PLSCR2: variants seen among roughly 807,000 people sequenced by gnomAD.
PLSCR2 encodes PL scramblase 2.
In PLSCR2, 18 loss-of-function variants were observed where a neutral mutation model predicts 25.3. That is an observed-to-expected ratio of 0.71 (90% CI 0.49 to 1.06). PLSCR2 has a LOEUF of 1.06. Among genes scored for constraint, PLSCR2 ranks in the 50% least tolerant of loss-of-function variants. The pLI, the probability that PLSCR2 is intolerant of heterozygous loss-of-function variation, is 0.00. For missense variants in PLSCR2, 243 were observed against 269.5 expected, an observed-to-expected ratio of 0.90 and a Z score of 0.69; for synonymous variants, 88 against 87.3, an observed-to-expected ratio of 1.01 and a Z score of -0.04.
intron 5 of PLSCR2, among the ~76,000 whole-genome samples, chr3:146,451,418 A>G (rs544756781): frequency 1.3e-5 from 2 of 152,188 alleles, no homozygotes; most frequent in South Asian, 2.1e-4. Flanking sequence ...GCCTACATTA[A>G]GTTTTTATCC....
chr3:146,419,238 C>T (rs1265086713), intron 2 of PLSCR2, among the ~76,000 whole-genome samples: 1 of 152,066 alleles, frequency 6.6e-6, no homozygotes, highest in Non-Finnish European at 1.5e-5. Flanking sequence ...AACATTATGA[C>T]ACAGTTCAGC....
chr3:146,493,493 A>C (rs1281930310), intron 1 of PLSCR2, among the ~76,000 whole-genome samples: 1 of 152,152 alleles, frequency 6.6e-6, no homozygotes, highest in Non-Finnish European at 1.5e-5. Context: ...AATTCACGAA[A>C]TGTGATTCAT....
chr3:146,436,986 C>G (rs958176504), downstream of PLSCR2, among the ~76,000 whole-genome samples: 5 of 151,844 alleles, frequency 3.3e-5, no homozygotes, highest in Admixed American at 3.3e-4. Flanking sequence ...TAGCATGAAG[C>G]ACTGTTGAAT....
At chr3:146,419,297 T>C (rs1384291501) in intron 2 of PLSCR2, among the ~76,000 whole-genome samples, 1 of 152,150 alleles carries the variant, frequency 6.6e-6, no homozygotes, top group African/African-American at 2.4e-5. Flanking sequence ...TCATGTTTCC[T>C]ATAACTTCCT....
intron 2 of PLSCR2, among the ~76,000 whole-genome samples, chr3:146,404,846 C>T (rs1208349233): frequency 1.4e-5 from 2 of 146,128 alleles, no homozygotes; most frequent in Non-Finnish European, 3.0e-5. Context: ...GTTAACTGGT[C>T]CCAGGTAAGT....
chr3:146,494,127 G>A (rs1452653973), intron 1 of PLSCR2, among the ~76,000 whole-genome samples: 2 of 152,036 alleles, frequency 1.3e-5, no homozygotes, highest in Admixed American at 6.6e-5. Context: ...ATTGGTTAAT[G>A]TTCGGAGTTC....
intron 1 of PLSCR2, among the ~76,000 whole-genome samples, chr3:146,483,568 G>T (rs185455970): frequency 6.1e-5 from 9 of 146,570 alleles, no homozygotes; most frequent in Non-Finnish European, 1.0e-4. Flanking sequence ...CGAGGAAGGA[G>T]CAGGCACCCA....
intron 2 of PLSCR2, among the ~76,000 whole-genome samples, chr3:146,400,406 A>G (rs1202934942): frequency 6.6e-6 from 1 of 151,450 alleles, no homozygotes; most frequent in Non-Finnish European, 1.5e-5. Context: ...GAAATATAAA[A>G]TAATTAAATT....
At chr3:146,409,718 T>C (rs2038783756) in intron 2 of PLSCR2, among the ~76,000 whole-genome samples, 1 of 152,174 alleles carries the variant, frequency 6.6e-6, no homozygotes, top group African/African-American at 2.4e-5. Flanking sequence ...TAGCATACAT[T>C]GGAGAGGGCT....
upstream of PLSCR2, among the ~76,000 whole-genome samples, chr3:146,462,323 C>T (rs1448744038): frequency 6.6e-6 from 1 of 152,086 alleles, no homozygotes; most frequent in Non-Finnish European, 1.5e-5. Context: ...AACTCCTGGA[C>T]TCAAGCGATC....
intron 6 of PLSCR2, 106 bp downstream of exon 6, chr3:146,449,100 A>C (rs1459441793): frequency 2.4e-5 from 20 of 849,280 alleles, no homozygotes; most frequent in Non-Finnish European, 3.5e-5. Flanking sequence ...ATTTTATAAA[A>C]CCTTTACACT....
intron 2 of PLSCR2, among the ~76,000 whole-genome samples, chr3:146,408,133 CT>C (rs1176010822): frequency 2.6e-5 from 4 of 152,190 alleles, no homozygotes; most frequent in Non-Finnish European, 4.4e-5. Flanking sequence ...CTAGAGTCAA[CT>C]TATCAGCCTC....
chr3:146,404,128 G>A (rs1456698849), intron 2 of PLSCR2, among the ~76,000 whole-genome samples: 1 of 152,068 alleles, frequency 6.6e-6, no homozygotes, highest in Non-Finnish European at 1.5e-5. Flanking sequence ...CATGCATCAG[G>A]GATAAGAACC....
intron 1 of PLSCR2, among the ~76,000 whole-genome samples, chr3:146,468,406 AAAC>A (rs1249928526): frequency 6.6e-6 from 1 of 152,374 alleles, no homozygotes; most frequent in African/African-American, 2.4e-5. Flanking sequence ...AAGCGGGAAG[AAAC>A]AACGACTGCC....
At chr3:146,494,169 G>A (rs1389191860) in intron 1 of PLSCR2, among the ~76,000 whole-genome samples, 3 of 151,940 alleles carry the variant, frequency 2.0e-5, no homozygotes, top group Non-Finnish European at 1.5e-5. Context: ...TTTTACCTGG[G>A]TTCTGACTGC....
intron 4 of PLSCR2, 65 bp from the exon 5 acceptor site, chr3:146,454,228 T>A: frequency 3.5e-6 from 4 of 1,137,582 alleles, no homozygotes; most frequent in Non-Finnish European, 4.9e-6. Context: ...ATAATAGCTC[T>A]AATTTACTGA....
chr3:146,398,543 A>G (rs2038351920), intron 2 of PLSCR2: 1 of 151,328 alleles, frequency 6.6e-6, no homozygotes, highest in Non-Finnish European at 1.5e-5. Context: ...AATAGTTACA[A>G]TATTTTCATA....
chr3:146,469,277 C>A lies in PLSCR2; in HGVS notation c.-292-8993G>T, dbSNP rs796092679. ...CAAGGCGTTTTCAGGCAGGACACCC[C>A]TTGTCATTCGAACGGTTCTGGTGTG... On this transcript the variant is annotated intron_variant, in intron 1 of 8. Coordinates refer to the PLSCR2 transcript ENST00000336685. 6 of 985,602 alleles carry A rather than the reference C, an allele frequency of 6.1e-6. No homozygotes were observed. The African/African-American group carries it at 1.0e-4, about 17-fold the overall frequency. The allele number at this position is 985,602 out of a possible 1,614,324, so 61.1% of individuals were successfully genotyped here.
At position 146,393,275 on chromosome 3, in the gene PLSCR2, G is replaced by T. The variant is rs1466431226; in HGVS notation, c.*146-1713C>A. The stretch of plus-strand genomic sequence containing the variant: ...GATCTTCTGGCCTCGTGATCTACAC[G>T]CCTCGGCCTCCCAAAGTGCTGGGAT... On this transcript the variant is annotated intron_variant and NMD_transcript_variant, in intron 3 of 3. Transcript: ENST00000463633. Among the ~76,000 whole-genome samples the T allele has an allele frequency of 2.6e-5, 4 of 151,336 alleles. No homozygotes were observed. The East Asian group carries it at 7.9e-4, about 30-fold the overall frequency.
Sources: gnomAD v4.1 joint callset for allele counts (sites outside exome capture counted in the v4.1 genomes callset) on GRCh38, gnomAD v4.1.1 for gene constraint, MANE v1.5 for transcripts, NCBI Gene and HGNC (gene_info 2026-07-23, HGNC 2026-07-21) for gene names.